Variants in RALGPS2 observed in about 807,000 individuals in gnomAD.
RALGPS2 encodes ras-specific guanine nucleotide-releasing factor RalGPS2.
In RALGPS2, 43 loss-of-function variants were observed where a neutral mutation model predicts 86.8. The ratio of observed to expected loss-of-function variants is 0.50; its 90% CI spans 0.39 to 0.64. The LOEUF (loss-of-function observed/expected upper bound fraction) is 0.64, where lower values mean the gene tolerates loss of function less well. Among genes scored for constraint, RALGPS2 ranks in the 30% least tolerant of loss-of-function variants. RALGPS2 has a pLI of 0.00. For missense variants in RALGPS2, 536 were observed against 694.6 expected, an observed-to-expected ratio of 0.77 and a Z score of 2.57; for synonymous variants, 243 against 231.3, an observed-to-expected ratio of 1.05 and a Z score of -0.46.
chr1:178,862,037 AC>A (rs1171313297), intron 8 of RALGPS2, among the ~76,000 whole-genome samples: 1 of 151,602 alleles, frequency 6.6e-6, no homozygotes, highest in Non-Finnish European at 1.5e-5. Context: ...CATGCCCAAT[AC>A]TTTTTTGTAT....
At chr1:178,781,993 C>G (rs903681337) in intron 2 of RALGPS2, among the ~76,000 whole-genome samples, 12 of 152,154 alleles carry the variant, frequency 7.9e-5, no homozygotes, top group Admixed American at 5.2e-4. Flanking sequence ...TTGTAAAGAG[C>G]TTAGAATTCA....
intron 8 of RALGPS2, among the ~76,000 whole-genome samples, chr1:178,856,609 A>T (rs150345874): frequency 1.0e-3 from 152 of 150,964 alleles, no homozygotes; most frequent in African/African-American, 3.6e-3. Context: ...TCTGGGATAG[A>T]CTCAACTTAG....
At chr1:178,896,821 A>G (rs1659968064) in intron 16 of RALGPS2, among the ~76,000 whole-genome samples, 3 of 149,552 alleles carry the variant, frequency 2.0e-5, no homozygotes, top group South Asian at 4.2e-4. Context: ...ATAGTATTCC[A>G]TGGTGTATAT....
chr1:178,857,473 C>T lies in RALGPS2; in HGVS notation c.608-20025C>T, dbSNP rs1201063643. Among the ~76,000 whole-genome samples the T allele has an allele frequency of 2.0e-5, 3 of 152,196 alleles. No individual in the cohort carries two copies. The Middle Eastern group carries it at 0.01, about 518-fold the overall frequency. On this transcript the variant is annotated intron_variant, in intron 8 of 19. Transcript: ENST00000367635. ...AGAAGTCACAAGAAAGAGAGAATTC[C>T]ACTATAATATGACAAGTACTTTGAT...
At position 178,919,030 on chromosome 1, in the gene RALGPS2, A is replaced by T. The variant is rs1296279061; in HGVS notation, c.*2671A>T. The T allele has an allele frequency of 6.6e-6, 1 of 152,078 alleles. No individual in the cohort carries two copies. The highest frequency in any genetic ancestry group is 2.4e-5 in the African/African-American group (1 of 41,450). The allele number at this position is 152,078 out of a possible 1,614,324, so 9.4% of individuals were successfully genotyped here. On this transcript the variant is annotated 3_prime_UTR_variant, in exon 20 of 20. Transcript: ENST00000367635. Reference sequence around the variant, plus strand: ...ATTTCAATTTAAGCCTGTTTATGATAAGCATAATGATTGGCATGTTATATA... The same window carrying T: ...ATTTCAATTTAAGCCTGTTTATGATTAGCATAATGATTGGCATGTTATATA...
At chr1:178,887,230 A>T (rs953623916) in intron 13 of RALGPS2, among the ~76,000 whole-genome samples, 1 of 152,196 alleles carries the variant, frequency 6.6e-6, no homozygotes, top group African/African-American at 2.4e-5. Context: ...AGATGGGCAG[A>T]TCTCTTGAGG....
intron 8 of RALGPS2, among the ~76,000 whole-genome samples, chr1:178,835,429 G>C (rs1038936926): frequency 3.0e-5 from 4 of 133,722 alleles, no homozygotes; most frequent in African/African-American, 1.1e-4. Context: ...GTCTCGCTCT[G>C]TTGTCCAGGC....
At chr1:178,824,423 A>C (rs1655652419) in intron 7 of RALGPS2, among the ~76,000 whole-genome samples, 1 of 152,206 alleles carries the variant, frequency 6.6e-6, no homozygotes, top group African/African-American at 2.4e-5. Context: ...GAACTAAAAA[A>C]ATGACAAGAG....
intron 8 of RALGPS2, 128 bp downstream of exon 8, chr1:178,833,678 C>A: frequency 7.3e-7 from 1 of 1,369,526 alleles, no homozygotes; most frequent in Non-Finnish European, 9.4e-7. Context: ...GATTGGTAAG[C>A]TGAAAAAAAT....
At chr1:178,881,481 A>G (rs141690516) in intron 10 of RALGPS2, among the ~76,000 whole-genome samples, 1 of 151,988 alleles carries the variant, frequency 6.6e-6, no homozygotes, top group Non-Finnish European at 1.5e-5. Context: ...ACGGAATCTC[A>G]CTCTGTTTCC....
chr1:178,811,269 C>A (rs372952651), intron 5 of RALGPS2, 46 bp from the exon 6 acceptor site: 9 of 1,418,426 alleles, frequency 6.3e-6, no homozygotes, highest in South Asian at 1.3e-5. Context: ...AAAAAACTTA[C>A]AAATTAAAAA....
intron 7 of RALGPS2, among the ~76,000 whole-genome samples, chr1:178,824,180 G>A (rs192813908): frequency 4.6e-5 from 7 of 152,264 alleles, no homozygotes; most frequent in African/African-American, 1.7e-4. Context: ...AGTGATTTCA[G>A]TAGAGAATGG....
intron 1 of RALGPS2, among the ~76,000 whole-genome samples, chr1:178,749,658 G>T (rs1428193752): frequency 6.6e-6 from 1 of 152,160 alleles, no homozygotes; most frequent in Admixed American, 6.5e-5. Context: ...TCAATTTGAT[G>T]AGGATCTTAG....
In RALGPS2 at chr1:178,763,874, G is replaced by GT. The variant is rs545742985; in HGVS notation, c.-83-12797dup. Among the ~76,000 whole-genome samples the GT allele has an allele frequency of 9.0e-3, 1,292 of 143,656 alleles. 13 individuals carry two copies. Among genetic ancestry groups the GT allele is most frequent in the African/African-American group, 0.022 (880 of 39,312 alleles). The allele number at this position is 143,656 out of a possible 152,430, so 94.2% of individuals were successfully genotyped here. ...ATGAGAGTGTGCTTTGTATGATTTT[G>GT]TTTTTTTTTTTAATTTAATGAGGAT... On this transcript the variant is annotated intron_variant, in intron 1 of 19. Coordinates refer to ENST00000367635, the MANE Select transcript of RALGPS2 (RefSeq NM_152663.5).
intron 8 of RALGPS2, chr1:178,849,683 A>G (rs1030744932): frequency 6.6e-6 from 1 of 152,244 alleles, no homozygotes; most frequent in Non-Finnish European, 1.5e-5. Flanking sequence ...GACCACAGGT[A>G]AAACAAAGAA....
In RALGPS2 at chr1:178,844,242, A is replaced by C. The variant is rs79001278; in HGVS notation, c.607+10692A>C. 2.0e-3 allele frequency among the ~76,000 whole-genome samples: 312 copies of C among 152,294 alleles called. 2 individuals are homozygous for C. The highest frequency in any genetic ancestry group is 7.2e-3 in the African/African-American group (300 of 41,576). On this transcript the variant is annotated intron_variant, in intron 8 of 19. Coordinates refer to ENST00000367635, the MANE Select transcript of RALGPS2 (RefSeq NM_152663.5). Reference sequence around the variant, plus strand: ...TATTATGGAAAGAATATATCCATGAAATATCTATAGTGCATAGAAAAAAGG... The same window carrying C: ...TATTATGGAAAGAATATATCCATGACATATCTATAGTGCATAGAAAAAAGG...
In RALGPS2 at chr1:178,725,264, A is replaced by AGCGGCG. The variant is rs761548068; in HGVS notation, c.-224_-219dup. ...AGCTCACTCTCCTCCCCCGAGCGGC[A>AGCGGCG]GCGGCGGCGGCGGCGGCGGCTGCTG... On this transcript the variant is annotated 5_prime_UTR_variant, in exon 1 of 20. Transcript: ENST00000367635. The AGCGGCG allele has an allele frequency of 2.9e-4, 11 of 37,294 alleles. No homozygotes were observed. Among genetic ancestry groups the AGCGGCG allele is most frequent in the African/African-American group, 6.6e-4 (8 of 12,120 alleles). 2.3% of individuals were successfully genotyped at this position (37,294 alleles called of 1,614,324 possible).
intron 1 of RALGPS2, chr1:178,746,934 G>T (rs1487138337): frequency 3.4e-5 from 36 of 1,060,086 alleles, no homozygotes; most frequent in Non-Finnish European, 5.2e-5. Context: ...ATTTTGTTTG[G>T]TGAATGATCA....
Position 178,741,909 on chromosome 1 carries a change from G to A in RALGPS2, c.-84+16490G>A, listed in dbSNP as rs557286333. Among the ~76,000 whole-genome samples the A allele has an allele frequency of 2.3e-3, 355 of 152,004 alleles. 2 individuals carry two copies. The highest frequency in any genetic ancestry group is 8.0e-3 in the African/African-American group (330 of 41,458). Reference sequence around the variant, plus strand: ...TCCCAGCACTTTGGGAGGCCGAGGCGGGAGGATCATGAGGTCAGGAGATCG... The same window carrying A: ...TCCCAGCACTTTGGGAGGCCGAGGCAGGAGGATCATGAGGTCAGGAGATCG... On this transcript the variant is annotated intron_variant, in intron 1 of 19. Transcript: ENST00000367635.
Sources: allele counts gnomAD v4.1 joint callset (sites outside exome capture counted in the v4.1 genomes callset), GRCh38; gene constraint gnomAD v4.1.1; transcripts MANE v1.5; gene names NCBI Gene and HGNC (gene_info 2026-07-23, HGNC 2026-07-21).